TAFA2: variants seen among roughly 807,000 people sequenced by gnomAD.
TAFA2 encodes the protein TAFA chemokine like family member 2, also known as chemokine-like protein TAFA-2.
In TAFA2, 7 loss-of-function variants were observed where a neutral mutation model predicts 18.8. The ratio of observed to expected loss-of-function variants is 0.37; its 90% CI spans 0.21 to 0.70. The LOEUF is 0.70. Among genes scored for constraint, TAFA2 ranks in the 30% least tolerant of loss-of-function variants. TAFA2 has a pLI of 0.53. For missense variants in TAFA2, 122 were observed against 158.1 expected, an observed-to-expected ratio of 0.77 and a Z score of 1.23; for synonymous variants, 60 against 54.2, an observed-to-expected ratio of 1.11 and a Z score of -0.47.
chr12:62,114,204 TCAAGA>T (rs975060519), intron 1 of TAFA2, among the ~76,000 whole-genome samples: 1 of 152,188 alleles, frequency 6.6e-6, no homozygotes, highest in African/African-American at 2.4e-5. Flanking sequence ...GCACCATTCC[TCAAGA>T]CACAGTCTCT....
At chr12:61,872,944 A>G (rs1226663007) in intron 1 of TAFA2, among the ~76,000 whole-genome samples, 4 of 152,164 alleles carry the variant, frequency 2.6e-5, no homozygotes, top group Non-Finnish European at 5.9e-5. Flanking sequence ...TCACTATTTT[A>G]TACATTTGTA....
intron 2 of TAFA2, among the ~76,000 whole-genome samples, chr12:61,845,736 A>G (rs1236736104): frequency 6.6e-6 from 1 of 152,158 alleles, no homozygotes; most frequent in Non-Finnish European, 1.5e-5. Flanking sequence ...AATGTTCCCC[A>G]ATGTGTCTAG....
chr12:61,790,389 A>G (rs1460768104), intron 2 of TAFA2, among the ~76,000 whole-genome samples: 1 of 151,886 alleles, frequency 6.6e-6, no homozygotes, highest in Admixed American at 6.6e-5. Context: ...ACAGAAATCA[A>G]TAAAACTTAT....
intron 1 of TAFA2, among the ~76,000 whole-genome samples, chr12:62,052,198 G>A (rs959643555): frequency 7.7e-5 from 4 of 51,674 alleles, no homozygotes; most frequent in Admixed American, 2.5e-4. Flanking sequence ...GCATGCGTGC[G>A]TGTGTGCATG....
chr12:61,990,337 A>ATTTTTT (rs71083969), intron 1 of TAFA2, among the ~76,000 whole-genome samples: 13,028 of 107,778 alleles, frequency 0.12, 1,240 homozygotes, highest in East Asian at 0.2. Context: ...CACTGTGCCA[A>ATTTTTT]TTTTTTTTTT....
intron 1 of TAFA2, among the ~76,000 whole-genome samples, chr12:61,926,921 C>A (rs1019360111): frequency 6.6e-6 from 1 of 151,350 alleles, no homozygotes; most frequent in Non-Finnish European, 1.5e-5. Context: ...AAAAAAGTAC[C>A]AAAATTAGCT....
intron 1 of TAFA2, among the ~76,000 whole-genome samples, chr12:62,216,853 T>C (rs1214360229): frequency 6.6e-6 from 1 of 152,192 alleles, no homozygotes; most frequent in Non-Finnish European, 1.5e-5. Context: ...ATTTCAGTGG[T>C]ACCATATTAA....
intron 2 of TAFA2, among the ~76,000 whole-genome samples, chr12:61,817,936 A>G (rs78123835): frequency 8.7e-4 from 133 of 152,214 alleles, no homozygotes; most frequent in South Asian, 2.7e-3. Flanking sequence ...TCTGCTATTC[A>G]GTTACCTTCA....
At chr12:62,118,595 T>G (rs952390786) in intron 1 of TAFA2, among the ~76,000 whole-genome samples, 1 of 152,158 alleles carries the variant, frequency 6.6e-6, no homozygotes, top group Non-Finnish European at 1.5e-5. Context: ...GCGAAGAACA[T>G]TCAGTGGACC....
chr12:61,721,768 CA>C (rs1869910339), intron 4 of TAFA2, among the ~76,000 whole-genome samples: 1 of 152,080 alleles, frequency 6.6e-6, no homozygotes, highest in African/African-American at 2.4e-5. Context: ...CCAGCCTGAC[CA>C]ACATGGTGAA....
At chr12:62,103,763 A>T (rs1869316620) in intron 1 of TAFA2, among the ~76,000 whole-genome samples, 1 of 150,110 alleles carries the variant, frequency 6.7e-6, no homozygotes, top group Admixed American at 6.6e-5. Flanking sequence ...AAAAAAAAAG[A>T]CTACATGCTT....
intron 4 of TAFA2, among the ~76,000 whole-genome samples, chr12:61,745,642 C>T (rs569605211): frequency 6.6e-6 from 1 of 152,152 alleles, no homozygotes; most frequent in Non-Finnish European, 1.5e-5. Context: ...TGTATCCTCC[C>T]ATGTGGTATG....
At chr12:61,786,419 G>T (rs975146224) in intron 2 of TAFA2, among the ~76,000 whole-genome samples, 1 of 151,512 alleles carries the variant, frequency 6.6e-6, no homozygotes, top group Admixed American at 6.6e-5. Context: ...AAATCTAAAA[G>T]TCTGTCATCC....
chr12:61,981,285 T>G (rs1879627160), intron 1 of TAFA2, among the ~76,000 whole-genome samples: 1 of 152,198 alleles, frequency 6.6e-6, no homozygotes, highest in Non-Finnish European at 1.5e-5. Context: ...CATCCCTTCC[T>G]TACGCCTTAT....
chr12:61,993,115 CT>C, intron 1 of TAFA2, among the ~76,000 whole-genome samples: 1 of 152,310 alleles, frequency 6.6e-6, no homozygotes, highest in Non-Finnish European at 1.5e-5. Context: ...TTAAGCCTCT[CT>C]GCTCACTAAA....
chr12:61,911,592 T>C (rs1236881135), intron 1 of TAFA2, among the ~76,000 whole-genome samples: 1 of 152,140 alleles, frequency 6.6e-6, no homozygotes, highest in Non-Finnish European at 1.5e-5. Flanking sequence ...TTATAAAAAT[T>C]CATACTTCTC....
rs764871442 is a variant in TAFA2, at chr12:61,754,986, G to A, written c.145C>T (p.Leu49Phe). The change falls in exon 3 of 5, where the codon CTC (leucine) becomes TTC (phenylalanine). Residue 49 changes from leucine to phenylalanine, a missense_variant. Transcript: ENST00000416284. Reference protein sequence around the residue: ...VKTGTCEVVALHRCCNKNKIE... With the variant: ...VKTGTCEVVAFHRCCNKNKIE... Reference sequence around the variant, plus strand: ...TTGTTCTTATTACAGCATCTGTGGAGTGCCACCACCTCACAAGTTCCCGTT... The same window carrying A: ...TTGTTCTTATTACAGCATCTGTGGAATGCCACCACCTCACAAGTTCCCGTT... 2 of 1,612,800 alleles carry A rather than the reference G, an allele frequency of 1.2e-6. No individual in the cohort carries two copies. Among genetic ancestry groups the A allele is most frequent in the Non-Finnish European group, 8.5e-7 (1 of 1,179,376 alleles).
chr12:61,896,245 G>T (rs909509626), intron 1 of TAFA2, among the ~76,000 whole-genome samples: 2 of 152,122 alleles, frequency 1.3e-5, no homozygotes, highest in Non-Finnish European at 2.9e-5. Flanking sequence ...AGGTTCACAA[G>T]GAAAGTAATG....
At chr12:62,092,502 C>T (rs576652555) in intron 1 of TAFA2, among the ~76,000 whole-genome samples, 2 of 151,938 alleles carry the variant, frequency 1.3e-5, no homozygotes, top group East Asian at 3.9e-4. Context: ...CCTTCATATT[C>T]CTTGACATGA....
Sources: gnomAD v4.1 joint callset for allele counts (sites outside exome capture counted in the v4.1 genomes callset) on GRCh38, gnomAD v4.1.1 for gene constraint, MANE v1.5 for transcripts, NCBI Gene and HGNC (gene_info 2026-07-23, HGNC 2026-07-21) for gene names.